Variants in LIX1L observed in about 807,000 individuals in gnomAD.
LIX1L encodes LIX1-like protein.
Under a neutral mutation model 34.0 loss-of-function variants are expected in LIX1L, and 20 were observed. That is an observed-to-expected ratio of 0.59 (90% confidence interval 0.41 to 0.85). LIX1L has a LOEUF of 0.85. Ranked by LOEUF, LIX1L falls within the 40% of genes least tolerant of loss-of-function variation. The pLI is 0.00. For missense variants in LIX1L, 397 were observed against 447.0 expected, an observed-to-expected ratio of 0.89 and a Z score of 1.01; for synonymous variants, 170 against 187.4, an observed-to-expected ratio of 0.91 and a Z score of 0.76.
chr1:145,950,709 C>A (rs1553759763), intron 1 of LIX1L, among the ~76,000 whole-genome samples: 1 of 152,172 alleles, frequency 6.6e-6, no homozygotes, highest in African/African-American at 2.4e-5. Flanking sequence ...AGTGAGAAGT[C>A]CTCATGCCAA....
intron 1 of LIX1L, among the ~76,000 whole-genome samples, chr1:145,954,908 A>G (rs1649417417): frequency 6.6e-6 from 1 of 152,236 alleles, no homozygotes; most frequent in African/African-American, 2.4e-5. Context: ...GGAACAGGCC[A>G]GAAGTGGCAG....
chr1:145,957,980 G>C lies in LIX1L; in HGVS notation c.-53C>G, dbSNP rs948084661. 11 of 1,284,826 alleles carry C rather than the reference G, an allele frequency of 8.6e-6. No homozygotes were observed. Among genetic ancestry groups the C allele is most frequent in the Middle Eastern group, 2.1e-4 (1 of 4,662 alleles). The allele number at this position is 1,284,826 out of a possible 1,614,324, so 79.6% of individuals were successfully genotyped here. A position where few individuals can be genotyped will look rare whatever the true frequency, so the allele number is the denominator to read the frequency against. On this transcript the variant is annotated 5_prime_UTR_variant, in exon 1 of 6. Transcript: ENST00000604000. ...GAGCCTGCCAGCCTGCCGAGCTAAC[G>C]GTCCCAACCACCCCAGTCAGCTAGC...
intron 4 of LIX1L, 58 bp from the exon 5 acceptor site, chr1:145,937,043 C>A: frequency 2.5e-6 from 3 of 1,220,700 alleles, no homozygotes; most frequent in East Asian, 2.3e-5. Context: ...GAGGTTGCAT[C>A]AGAATTACAT....
intron 1 of LIX1L, among the ~76,000 whole-genome samples, chr1:145,951,221 A>C (rs1469589917): frequency 6.6e-6 from 1 of 152,038 alleles, no homozygotes; most frequent in African/African-American, 2.4e-5. Context: ...TAATTTTTGT[A>C]TTTTTAGTAG....
chr1:145,936,184 T>C lies in LIX1L; in HGVS notation c.*126A>G. The C allele has an allele frequency of 9.1e-7, 1 of 1,103,288 alleles. No individual in the cohort carries two copies. The highest frequency in any genetic ancestry group is 1.3e-6 in the Non-Finnish European group (1 of 796,860). 68.3% of individuals were successfully genotyped at this position (1,103,288 alleles called of 1,614,324 possible). A position where few individuals can be genotyped will look rare whatever the true frequency, so the allele number is the denominator to read the frequency against. ...AGCAAATAGGAATCTAGGTGTAGAA[T>C]TTATACACATATATATTTTTTAAAG... On this transcript the variant is annotated 3_prime_UTR_variant, in exon 6 of 6. Transcript: ENST00000604000.
intron 3 of LIX1L, among the ~76,000 whole-genome samples, chr1:145,940,860 A>G (rs1648888741): frequency 6.6e-6 from 1 of 150,954 alleles, no homozygotes; most frequent in Non-Finnish European, 1.5e-5. Flanking sequence ...CAATTTTTCT[A>G]TTTTTAGTAG....
At chr1:145,957,567 C>T in intron 1 of LIX1L, 69 bp downstream of exon 1, 1 of 1,385,776 alleles carries the variant, frequency 7.2e-7, no homozygotes, top group South Asian at 1.6e-5. Context: ...GAAAAGCGAT[C>T]CGGAGGACTG....
intron 4 of LIX1L, 121 bp downstream of exon 4, chr1:145,937,483 T>C (rs1020748341): frequency 1.7e-5 from 11 of 638,124 alleles, no homozygotes; most frequent in African/African-American, 1.7e-4. Context: ...TTTTGAAAAA[T>C]AGTGTAACAA....
intron 2 of LIX1L, 75 bp downstream of exon 2, chr1:145,947,544 T>A: frequency 6.7e-7 from 1 of 1,498,544 alleles, no homozygotes; most frequent in South Asian, 1.2e-5. Flanking sequence ...GGCAGTTTAA[T>A]GGCCAAAGTG....
Position 145,957,920 on chromosome 1 carries a change from G to A in LIX1L, c.8C>T (p.Thr3Ile). ME[T>I]MRAQRLQPGV... ...AGGCTGCAGCCGCTGCGCTCGCATAGTCTCCATCCCGGCCGCCAATGGAGT... is the reference window on the plus strand; with the variant it reads ...AGGCTGCAGCCGCTGCGCTCGCATAATCTCCATCCCGGCCGCCAATGGAGT... The change falls in exon 1 of 6, where the codon ACT becomes ATT. Residue 3 changes from threonine (T) to isoleucine (I), a missense_variant. Thr to Ile is a moderately conservative substitution (Grantham distance 89). Coordinates refer to ENST00000604000, the MANE Select transcript of LIX1L (RefSeq NM_153713.3). 6.7e-7 allele frequency: 1 copy of A among 1,485,862 alleles called. No individual in the cohort carries two copies. Among genetic ancestry groups the A allele is most frequent in the Non-Finnish European group, 8.9e-7 (1 of 1,121,546 alleles). 92.0% of individuals were successfully genotyped at this position (1,485,862 alleles called of 1,614,324 possible).
At chr1:145,951,721 A>G (rs181253449) in intron 1 of LIX1L, among the ~76,000 whole-genome samples, 520 of 152,224 alleles carry the variant, frequency 3.4e-3, no homozygotes, top group Non-Finnish European at 5.6e-3. Flanking sequence ...TCCCTCTTTG[A>G]GACAGTTTAG....
At chr1:145,939,613 C>T in intron 3 of LIX1L, among the ~76,000 whole-genome samples, 1 of 151,316 alleles carries the variant, frequency 6.6e-6, no homozygotes, top group South Asian at 2.1e-4. Context: ...AGCCAGGAAC[C>T]ATAATTGCTT....
chr1:145,957,778 T>G lies in LIX1L; in HGVS notation c.150A>C (p.Ala50=). The G allele has an allele frequency of 2.2e-6, 3 of 1,345,984 alleles. No individual in the cohort carries two copies. The highest frequency in any genetic ancestry group is 2.8e-6 in the Non-Finnish European group (3 of 1,056,852). The allele number at this position is 1,345,984 out of a possible 1,614,324, so 83.4% of individuals were successfully genotyped here. The part of the protein sequence containing the change: ...AGPPPAPPPP[A]PPPPPLLLSG... ...ACAGGAGCAGCGGCGGCGGGGGCGG[T>G]GCGGGAGGCGGCGGGGCAGGCGGGG... is the stretch of plus-strand genomic sequence containing the variant. Residue 50 remains alanine (A), a synonymous_variant, in exon 1 of 6, where the codon GCA becomes GCC. Coordinates refer to ENST00000604000, the MANE Select transcript of LIX1L (RefSeq NM_153713.3).
intron 3 of LIX1L, among the ~76,000 whole-genome samples, chr1:145,938,702 C>T (rs1553758135): frequency 1.3e-5 from 2 of 151,986 alleles, no homozygotes; most frequent in Admixed American, 6.6e-5. Context: ...ATTCTCCTGC[C>T]TCAGCCTGCA....
rs782319037 is a variant in LIX1L, at chr1:145,957,668, C to G, written c.260G>C (p.Ser87Thr). 2.6e-6 allele frequency: 4 copies of G among 1,541,746 alleles called. No individual in the cohort carries two copies. In the South Asian group the frequency reaches 4.8e-5, roughly 18 times the overall value. The change falls in exon 1 of 6, where the codon AGC (serine) becomes ACC (threonine). Residue 87 changes from serine (S) to threonine (T), a missense_variant. By Grantham distance (58) the Ser-to-Thr change is moderately conservative. Transcript: ENST00000604000. ...ATAGCCCTGCGTGTGCTTGGCGAAG[C>G]TCCTCACCACGGCCTCCACGGCCTC... ...LREAVEAVVR[S>T]FAKHTQGYGR...
At chr1:145,955,333 A>G (rs369538656) in intron 1 of LIX1L, among the ~76,000 whole-genome samples, 2 of 152,234 alleles carry the variant, frequency 1.3e-5, no homozygotes, top group Non-Finnish European at 2.9e-5. Flanking sequence ...ACATACATAC[A>G]TACATATATA....
In LIX1L at chr1:145,957,657, G is replaced by C; in HGVS notation, c.271C>G (p.His91Asp). The C allele has an allele frequency of 6.5e-7, 1 of 1,541,862 alleles. No homozygotes were observed. The highest frequency in any genetic ancestry group is 8.7e-7 in the Non-Finnish European group (1 of 1,149,682). ...VEAVVRSFAK[H>D]TQGYGRVNVV... ...TCACCTCGGCCATAGCCCTGCGTGT[G>C]CTTGGCGAAGCTCCTCACCACGGCC... is the stretch of plus-strand genomic sequence containing the variant. The change falls in exon 1 of 6, where the codon CAC (histidine) becomes GAC (aspartate). Residue 91 changes from histidine (H) to aspartate (D), a missense_variant. Coordinates refer to ENST00000604000, the MANE Select transcript of LIX1L (RefSeq NM_153713.3).
chr1:145,940,350 ATT>A (rs587677100), intron 3 of LIX1L, among the ~76,000 whole-genome samples: 27 of 125,424 alleles, frequency 2.2e-4, no homozygotes, highest in Admixed American at 2.4e-4. Context: ...TTCCTTTTCT[ATT>A]TTTTTTTTTT....
chr1:145,950,311 G>A (rs1570970839), intron 1 of LIX1L: 1 of 152,274 alleles, frequency 6.6e-6, no homozygotes, highest in Non-Finnish European at 1.5e-5. Context: ...CTGTGGAAGA[G>A]AGGGAAAGAA....
Sources: allele counts gnomAD v4.1 joint callset (sites outside exome capture counted in the v4.1 genomes callset), GRCh38; gene constraint gnomAD v4.1.1; transcripts MANE v1.5; gene names NCBI Gene and HGNC (gene_info 2026-07-23, HGNC 2026-07-21).